Variants in SMCHD1 observed in about 807,000 individuals in gnomAD.
SMCHD1 encodes the protein structural maintenance of chromosomes flexible hinge domain-containing protein 1.
Under a neutral mutation model 254.7 loss-of-function variants are expected in SMCHD1, and 78 were observed. The ratio of observed to expected loss-of-function variants is 0.31; its 90% CI spans 0.26 to 0.37. The LOEUF (loss-of-function observed/expected upper bound fraction) is 0.37, where lower values mean the gene tolerates loss of function less well. Ranked by LOEUF, SMCHD1 falls within the 10% of genes least tolerant of loss-of-function variation. The pLI, the probability that SMCHD1 is intolerant of heterozygous loss-of-function variation, is 1.00. For missense variants in SMCHD1, 1,840 were observed against 2,408.1 expected, an observed-to-expected ratio of 0.76 and a Z score of 4.94; for synonymous variants, 766 against 794.9, an observed-to-expected ratio of 0.96 and a Z score of 0.61.
chr18:2,771,989 A>G (rs1305275061), intron 40 of SMCHD1, among the ~76,000 whole-genome samples: 1 of 152,174 alleles, frequency 6.6e-6, no homozygotes. Flanking sequence ...GAGAAGTCCT[A>G]TTATAGGTAG....
chr18:2,684,700 A>AGAGTGTGT (rs1555629726), intron 5 of SMCHD1, among the ~76,000 whole-genome samples: 5 of 115,526 alleles, frequency 4.3e-5, no homozygotes, highest in Non-Finnish European at 3.7e-5. Flanking sequence ...TTGCAGATTC[A>AGAGTGTGT]GTGTGTGTGT....
In SMCHD1 at chr18:2,770,868, A is replaced by G. The variant is rs1023142235; in HGVS notation, c.4967-665A>G. Among the ~76,000 whole-genome samples the G allele has an allele frequency of 4.9e-4, 75 of 152,216 alleles. 1 individual carries two copies. The highest frequency in any genetic ancestry group is 1.7e-3 in the African/African-American group (69 of 41,544). ...ACTTCTTACCTCAAGTGATCTGCCC[A>G]CCTTGGCCCCCACAAAGTGCTAGGA... On this transcript the variant is annotated intron_variant, in intron 39 of 47. Coordinates refer to ENST00000320876, the MANE Select transcript of SMCHD1 (RefSeq NM_015295.3).
chr18:2,759,571 C>CTTT (rs61159403), intron 34 of SMCHD1, among the ~76,000 whole-genome samples: 4 of 69,516 alleles, frequency 5.8e-5, no homozygotes, highest in East Asian at 5.8e-4. Context: ...TTAATTCTCT[C>CTTT]TTTTTTTTTT....
intron 19 of SMCHD1, among the ~76,000 whole-genome samples, chr18:2,721,421 A>G (rs1004870458): frequency 6.6e-6 from 1 of 152,030 alleles, no homozygotes; most frequent in Non-Finnish European, 1.5e-5. Context: ...TTATACATAA[A>G]TCTACTGTGT....
Position 2,656,201 on chromosome 18 carries a change from C to T in SMCHD1, c.126C>T (p.Asp42=), listed in dbSNP as rs1390520275. 3.3e-6 allele frequency: 5 copies of T among 1,504,064 alleles called. No individual in the cohort carries two copies. Among genetic ancestry groups the T allele is most frequent in the Non-Finnish European group, 4.4e-6 (5 of 1,133,470 alleles). 93.2% of individuals were successfully genotyped at this position (1,504,064 alleles called of 1,614,324 possible). A position where few individuals can be genotyped will look rare whatever the true frequency, so the allele number is the denominator to read the frequency against. Residue 42 remains aspartate, a synonymous_variant, in exon 1 of 48, where the codon GAC becomes GAT. Coordinates refer to ENST00000320876, the MANE Select transcript of SMCHD1 (RefSeq NM_015295.3). ...DRREKESELG[D]RPLQVGERSD... ...GCGAAAAGGAGTCCGAGCTCGGGGA[C>T]CGGCCTCTGCAGGTCGGGGAGCGCT...
intron 3 of SMCHD1, among the ~76,000 whole-genome samples, chr18:2,672,085 A>G (rs1048098274): frequency 6.6e-6 from 1 of 151,146 alleles, no homozygotes; most frequent in Non-Finnish European, 1.5e-5. Flanking sequence ...TCCCTTCTTC[A>G]TTTTCTGGAG....
At chr18:2,664,642 C>G (rs1295120150) in intron 1 of SMCHD1, among the ~76,000 whole-genome samples, 2 of 152,172 alleles carry the variant, frequency 1.3e-5, no homozygotes, top group Non-Finnish European at 2.9e-5. Flanking sequence ...AGTACTGATA[C>G]TTCATATGGC....
chr18:2,704,239 T>C (rs372203015), intron 13 of SMCHD1, among the ~76,000 whole-genome samples: 1 of 152,186 alleles, frequency 6.6e-6, no homozygotes, highest in African/African-American at 2.4e-5. Context: ...CATAATTTAT[T>C]ATAGCATTAA....
At chr18:2,726,581 A>T in intron 22 of SMCHD1, 57 bp downstream of exon 22, 1 of 872,414 alleles carries the variant, frequency 1.1e-6, no homozygotes, top group South Asian at 2.1e-5. Context: ...GTTAAAGTAT[A>T]ATGATATGAA....
intron 34 of SMCHD1, among the ~76,000 whole-genome samples, chr18:2,758,903 C>A (rs922048120): frequency 4.6e-5 from 7 of 151,710 alleles, no homozygotes; most frequent in African/African-American, 1.7e-4. Flanking sequence ...TCGTGGTCTT[C>A]AGTTTTTAAA....
At chr18:2,770,278 A>G (rs1373900396) in intron 39 of SMCHD1, among the ~76,000 whole-genome samples, 170 bp downstream of exon 39, 1 of 152,186 alleles carries the variant, frequency 6.6e-6, no homozygotes, top group Non-Finnish European at 1.5e-5. Flanking sequence ...CTTAAGATGA[A>G]GTATTTCTTA....
At chr18:2,752,105 G>A (rs999535428) in intron 33 of SMCHD1, among the ~76,000 whole-genome samples, 1 of 152,088 alleles carries the variant, frequency 6.6e-6, no homozygotes, top group Non-Finnish European at 1.5e-5. Context: ...GTTTATCAGT[G>A]TCCTGATATA....
In SMCHD1 at chr18:2,712,782, G is replaced by C. The variant is rs530541134; in HGVS notation, c.2260+4862G>C. ...CTCATTTTCCTCATTTTACGCCAAA[G>C]TGATTTTTTTGAATTGCAAAACTGT... is the stretch of plus-strand genomic sequence containing the variant. On this transcript the variant is annotated intron_variant, in intron 17 of 47. Coordinates refer to ENST00000320876, the MANE Select transcript of SMCHD1 (RefSeq NM_015295.3). Among the ~76,000 whole-genome samples the C allele has an allele frequency of 1.6e-3, 250 of 152,242 alleles. 4 individuals are homozygous for C. The highest frequency in any genetic ancestry group is 2.4e-3 in the Non-Finnish European group (164 of 68,018).
chr18:2,732,010 C>CAA (rs949938156), intron 24 of SMCHD1, among the ~76,000 whole-genome samples: 5 of 150,950 alleles, frequency 3.3e-5, no homozygotes, highest in African/African-American at 1.2e-4. Context: ...GACTCTGTCT[C>CAA]AAAAAAAATA....
At chr18:2,711,125 C>T (rs1357371060) in intron 17 of SMCHD1, among the ~76,000 whole-genome samples, 1 of 151,758 alleles carries the variant, frequency 6.6e-6, no homozygotes, top group Admixed American at 6.6e-5. Context: ...TACAGACATG[C>T]TCATTGCACC....
In SMCHD1 at chr18:2,802,841, CTG is replaced by C; in HGVS notation, c.*291_*292del. On this transcript the variant is annotated 3_prime_UTR_variant, in exon 48 of 48. Transcript: ENST00000320876. ...GGAAAATGTGCTAATGTGGCAGTGACTGTAAAACTGGCACATGGCATTTATTA... is the reference window on the plus strand; with the variant it reads ...GGAAAATGTGCTAATGTGGCAGTGACTAAAACTGGCACATGGCATTTATTA... The C allele has an allele frequency of 9.5e-6, 3 of 316,968 alleles. No individual in the cohort carries two copies. The highest frequency in any genetic ancestry group is 1.6e-3 in the Middle Eastern group (2 of 1,232). The allele number at this position is 316,968 out of a possible 1,614,324, so 19.6% of individuals were successfully genotyped here.
chr18:2,666,898 A>G lies in SMCHD1; in HGVS notation c.291A>G (p.Leu97=). Residue 97 remains leucine, a synonymous_variant, in exon 3 of 48, where the codon TTA becomes TTG. Transcript: ENST00000320876. ...AAACTGTTAAAGATGGAGTCACCTT[A>G]TACCTGCTACAGTCGGTCAATCAGT... ...FDETVKDGVT[L]YLLQSVNQLL... is the part of the protein sequence containing the mutation. The G allele has an allele frequency of 6.2e-7, 1 of 1,613,492 alleles. No homozygotes were observed. Among genetic ancestry groups the G allele is most frequent in the Non-Finnish European group, 8.5e-7 (1 of 1,179,638 alleles).
At chr18:2,705,659 T>C (rs1304951134) in intron 13 of SMCHD1, 35 bp from the exon 14 acceptor site, 3 of 1,110,390 alleles carry the variant, frequency 2.7e-6, no homozygotes, top group Non-Finnish European at 3.9e-6. Flanking sequence ...ATCTTAATAC[T>C]GAAGCTTTTT....
intron 3 of SMCHD1, among the ~76,000 whole-genome samples, chr18:2,667,485 G>A (rs2073472006): frequency 1.3e-5 from 2 of 151,990 alleles, no homozygotes; most frequent in Non-Finnish European, 2.9e-5. Context: ...CCTTTCTCTG[G>A]ACCATTTGCT....
Sources: allele counts gnomAD v4.1 joint callset (sites outside exome capture counted in the v4.1 genomes callset), GRCh38; gene constraint gnomAD v4.1.1; transcripts MANE v1.5; gene names NCBI Gene and HGNC (gene_info 2026-07-23, HGNC 2026-07-21).